DLC1: variants seen among roughly 807,000 people sequenced by gnomAD.
DLC1 encodes the protein rho GTPase-activating protein 7.
Under a neutral mutation model 140.3 loss-of-function variants are expected in DLC1, and 54 were observed. That is an observed-to-expected ratio of 0.38 (90% CI 0.31 to 0.48). DLC1 has a LOEUF of 0.48. Ranked by LOEUF, DLC1 falls within the 20% of genes least tolerant of loss-of-function variation. The pLI is 0.96. For missense variants in DLC1, 2,536 were observed against 1,907.0 expected (o/e 1.33, Z -6.14); for synonymous variants, 986 against 728.1 (o/e 1.35, Z -5.70).
intron 2 of DLC1, among the ~76,000 whole-genome samples, chr8:13,415,735 C>T (rs374539336): frequency 8.6e-5 from 13 of 151,394 alleles, no homozygotes; most frequent in African/African-American, 9.7e-5. Flanking sequence ...TCTTTTTTAC[C>T]ATTAAGAGCC....
At chr8:13,193,440 C>A (rs1311179196) in intron 5 of DLC1, among the ~76,000 whole-genome samples, 1 of 152,086 alleles carries the variant, frequency 6.6e-6, no homozygotes, top group Non-Finnish European at 1.5e-5. Flanking sequence ...TAGGAATCCA[C>A]CACACCTCTA....
At chr8:13,512,260 A>G (rs979744830) in intron 1 of DLC1, among the ~76,000 whole-genome samples, 3 of 152,032 alleles carry the variant, frequency 2.0e-5, no homozygotes, top group East Asian at 3.9e-4. Context: ...ATCGTGACAC[A>G]TTCTCTCTAA....
At chr8:13,513,913 C>T (rs983855685) in intron 1 of DLC1, among the ~76,000 whole-genome samples, 1 of 152,056 alleles carries the variant, frequency 6.6e-6, no homozygotes, top group Non-Finnish European at 1.5e-5. Flanking sequence ...AAAATGTGAC[C>T]GGAGCAAGCA....
chr8:13,312,131 G>A (rs1586115087), intron 4 of DLC1, among the ~76,000 whole-genome samples: 1 of 129,918 alleles, frequency 7.7e-6, no homozygotes, highest in Non-Finnish European at 1.7e-5. Flanking sequence ...GGAGGCCGAG[G>A]CGGGCGGATC....
At chr8:13,355,980 C>T (rs905146155) in intron 4 of DLC1, among the ~76,000 whole-genome samples, 1 of 147,292 alleles carries the variant, frequency 6.8e-6, no homozygotes, top group African/African-American at 2.5e-5. Flanking sequence ...GTCCCAGCTA[C>T]TCAGGAGGCA....
Position 13,173,261 on chromosome 8 carries a change from T to G in DLC1, c.1349-57604A>C, listed in dbSNP as rs115673691. Among the ~76,000 whole-genome samples the G allele has an allele frequency of 9.0e-3, 1,366 of 152,002 alleles. 16 individuals carry two copies. Among genetic ancestry groups the G allele is most frequent in the African/African-American group, 0.031 (1,285 of 41,464 alleles). On this transcript the variant is annotated intron_variant, in intron 5 of 17. Coordinates refer to ENST00000276297, the MANE Select transcript of DLC1 (RefSeq NM_182643.3). ...AGGTCTCTTCAGAGCTCGCGTGGGG[T>G]GGGAATTTAAGCTTTCTATATTTTC... is the stretch of plus-strand genomic sequence containing the variant.
chr8:13,135,132 A>G (rs1266315089), intron 5 of DLC1, among the ~76,000 whole-genome samples: 1 of 152,096 alleles, frequency 6.6e-6, no homozygotes, highest in Admixed American at 6.5e-5. Context: ...CAGGAAAGTA[A>G]AAGCAAGAAG....
At chr8:13,148,119 AT>A (rs71541608) in intron 5 of DLC1, among the ~76,000 whole-genome samples, 14 of 149,636 alleles carry the variant, frequency 9.4e-5, no homozygotes, top group Admixed American at 2.0e-4. Context: ...AAGATGTTTG[AT>A]TTTTTTTTTT....
At chr8:13,360,968 T>C (rs1835197714) in intron 4 of DLC1, among the ~76,000 whole-genome samples, 1 of 152,082 alleles carries the variant, frequency 6.6e-6, no homozygotes, top group Non-Finnish European at 1.5e-5. Flanking sequence ...CAGCGGCTCA[T>C]GCCTGCGATC....
At chr8:13,219,601 T>A (rs1202705413) in intron 5 of DLC1, among the ~76,000 whole-genome samples, 1 of 151,660 alleles carries the variant, frequency 6.6e-6, no homozygotes, top group Non-Finnish European at 1.5e-5. Flanking sequence ...AAGCCCACCT[T>A]CTTCAAAAAA....
At chr8:13,188,751 C>T (rs535719675) in intron 5 of DLC1, among the ~76,000 whole-genome samples, 1 of 139,840 alleles carries the variant, frequency 7.2e-6, no homozygotes, top group East Asian at 2.1e-4. Context: ...GCTGGGATTA[C>T]AGGCATGTGC....
Position 13,481,919 on chromosome 8 carries a change from T to C in DLC1, c.1023+17130A>G, listed in dbSNP as rs372237315. On this transcript the variant is annotated intron_variant, in intron 2 of 17. Coordinates refer to ENST00000276297, the MANE Select transcript of DLC1 (RefSeq NM_182643.3). ...AGAAGCCCATGTCAACATAAAGGCC[T>C]ATAGAAAGATAATATACCTACAAGT... 1.8e-3 allele frequency among the ~76,000 whole-genome samples: 270 copies of C among 152,242 alleles called. 2 individuals carry two copies. The highest frequency in any genetic ancestry group is 6.2e-3 in the African/African-American group (258 of 41,542).
intron 5 of DLC1, among the ~76,000 whole-genome samples, chr8:13,183,310 T>C (rs1235786793): frequency 1.3e-5 from 2 of 152,194 alleles, no homozygotes; most frequent in East Asian, 1.9e-4. Flanking sequence ...CCTTTATTTC[T>C]TTCTCTTGCC....
At chr8:13,200,747 G>A (rs895867582) in intron 5 of DLC1, among the ~76,000 whole-genome samples, 3 of 152,014 alleles carry the variant, frequency 2.0e-5, no homozygotes, top group Non-Finnish European at 4.4e-5. Context: ...TGGGACGACA[G>A]GTCCATGCCC....
intron 1 of DLC1, among the ~76,000 whole-genome samples, chr8:13,582,020 G>C (rs1054891385): frequency 6.6e-6 from 1 of 152,126 alleles, no homozygotes; most frequent in East Asian, 1.9e-4. Flanking sequence ...CAAAGTTCTA[G>C]TCCCATGGGG....
At chr8:13,391,090 G>A (rs1490037260) in intron 4 of DLC1, among the ~76,000 whole-genome samples, 3 of 152,104 alleles carry the variant, frequency 2.0e-5, no homozygotes, top group Admixed American at 1.3e-4. Context: ...TGTCTTTGAT[G>A]GTGGAGTATT....
intron 1 of DLC1, among the ~76,000 whole-genome samples, chr8:13,602,053 C>G (rs1805905066): frequency 6.6e-6 from 1 of 151,782 alleles, no homozygotes; most frequent in African/African-American, 2.4e-5. Context: ...ACAAGGCCAG[C>G]TATAAAGTAC....
At chr8:13,293,625 T>C (rs6990432) in intron 5 of DLC1, among the ~76,000 whole-genome samples, 74,211 of 148,220 alleles carry the variant, frequency 0.5, 18,153 homozygotes, top group Non-Finnish European at 0.54. Context: ...AGGTTTCTGC[T>C]TTCAAGGAGC....
intron 4 of DLC1, among the ~76,000 whole-genome samples, chr8:13,393,001 G>C (rs1019111917): frequency 6.6e-6 from 1 of 151,856 alleles, no homozygotes; most frequent in Non-Finnish European, 1.5e-5. Context: ...ATATATCTCT[G>C]CATATAAACC....
Sources: gnomAD v4.1 joint callset for allele counts (sites outside exome capture counted in the v4.1 genomes callset) on GRCh38, gnomAD v4.1.1 for gene constraint, MANE v1.5 for transcripts, NCBI Gene and HGNC (gene_info 2026-07-23, HGNC 2026-07-21) for gene names.